The following FDX1 variants were observed in gnomAD, a reference collection of about 807,000 sequenced individuals.
FDX1 encodes the protein adrenodoxin, mitochondrial.
FDX1 carries 9 observed loss-of-function variants against 14.9 expected under a neutral mutation model. The observed-to-expected ratio is 0.60, with a 90% CI of 0.36 to 1.05. The LOEUF (loss-of-function observed/expected upper bound fraction) is 1.05, where lower values mean the gene tolerates loss of function less well. FDX1 is among the 50% of genes least tolerant of loss of function. The pLI is 0.01. For synonymous variants in FDX1, 92 were observed against 99.4 expected, an observed-to-expected ratio of 0.93 and a Z score of 0.44; for missense variants, 204 against 237.2, an observed-to-expected ratio of 0.86 and a Z score of 0.92.
In FDX1 at chr11:110,463,968, A is replaced by G. The variant is rs1158667338; in HGVS notation, c.*1500A>G. The G allele has an allele frequency of 6.6e-6, 1 of 150,992 alleles. No homozygotes were observed. Among genetic ancestry groups the G allele is most frequent in the Non-Finnish European group, 1.5e-5 (1 of 67,940 alleles). 9.4% of individuals were successfully genotyped at this position (150,992 alleles called of 1,614,324 possible). ...TACTCTGTCACTCAGGCCAGAGTACAATAGTATGATCTCGGCTCACTGCAA... is the reference window on the plus strand; with the variant it reads ...TACTCTGTCACTCAGGCCAGAGTACGATAGTATGATCTCGGCTCACTGCAA... On this transcript the variant is annotated 3_prime_UTR_variant, in exon 4 of 4. Transcript: ENST00000260270.
Position 110,430,099 on chromosome 11 carries a change from C to T in FDX1, c.-22C>T, listed in dbSNP as rs994896814. 8.2e-7 allele frequency: 1 copy of T among 1,223,294 alleles called. No homozygotes were observed. The allele number at this position is 1,223,294 out of a possible 1,614,324, so 75.8% of individuals were successfully genotyped here. ...CTCAAAGCGCGGCCTGCGTCGCTTC[C>T]GGCAGTTCCCGACCGCGGGCGATGG... is the stretch of plus-strand genomic sequence containing the variant. On this transcript the variant is annotated 5_prime_UTR_variant, in exon 1 of 4. Transcript: ENST00000260270.
chr11:110,455,379 C>A (rs1946515481), intron 2 of FDX1, among the ~76,000 whole-genome samples: 1 of 151,992 alleles, frequency 6.6e-6, no homozygotes, highest in Non-Finnish European at 1.5e-5. Context: ...TTAAAATGAT[C>A]CATTCAGAGG....
chr11:110,432,868 T>G (rs1290354602), intron 1 of FDX1, among the ~76,000 whole-genome samples: 2 of 152,364 alleles, frequency 1.3e-5, no homozygotes, highest in East Asian at 3.9e-4. Context: ...TTGGTAAACC[T>G]GTTAATACTC....
intron 2 of FDX1, among the ~76,000 whole-genome samples, chr11:110,455,731 TG>T (rs2134691488): frequency 6.6e-6 from 1 of 152,322 alleles, no homozygotes; most frequent in South Asian, 2.1e-4. Context: ...TGGAAGGACC[TG>T]GGGATGCTCA....
At chr11:110,461,695 G>A (rs1242181551) in intron 3 of FDX1, among the ~76,000 whole-genome samples, 2 of 151,600 alleles carry the variant, frequency 1.3e-5, no homozygotes, top group Non-Finnish European at 2.9e-5. Flanking sequence ...AGGTAAATTC[G>A]ACATGTGTAC....
At chr11:110,461,123 T>C (rs911201252) in intron 3 of FDX1, among the ~76,000 whole-genome samples, 3 of 152,220 alleles carry the variant, frequency 2.0e-5, no homozygotes, top group African/African-American at 7.2e-5. Context: ...CACAGTCTTA[T>C]CACTTAACAT....
At chr11:110,455,842 A>C (rs1482974315) in intron 2 of FDX1, among the ~76,000 whole-genome samples, 1 of 152,196 alleles carries the variant, frequency 6.6e-6, no homozygotes, top group Non-Finnish European at 1.5e-5. Flanking sequence ...CTAGTTACAG[A>C]GTGGCAGACT....
intron 2 of FDX1, among the ~76,000 whole-genome samples, chr11:110,443,102 C>T (rs954475315): frequency 1.3e-5 from 2 of 152,166 alleles, no homozygotes; most frequent in Non-Finnish European, 2.9e-5. Flanking sequence ...TCATTAAACC[C>T]TTTTTCCTGT....
intron 2 of FDX1, among the ~76,000 whole-genome samples, chr11:110,454,575 C>T (rs774902858): frequency 1.2e-4 from 18 of 152,154 alleles, no homozygotes; most frequent in Non-Finnish European, 2.2e-4. Flanking sequence ...TCTTTAACTT[C>T]TGGGGCTTAA....
At chr11:110,462,327 A>C in intron 3 of FDX1, 27 bp from the exon 4 acceptor site, 1 of 1,342,282 alleles carries the variant, frequency 7.4e-7, no homozygotes, top group Non-Finnish European at 1.1e-6. Flanking sequence ...GTAATACTAA[A>C]CCATACCTTC....
At position 110,463,687 on chromosome 11, in the gene FDX1, G is replaced by C. The variant is rs569258181; in HGVS notation, c.*1219G>C. On this transcript the variant is annotated 3_prime_UTR_variant, in exon 4 of 4. Coordinates refer to ENST00000260270, the MANE Select transcript of FDX1 (RefSeq NM_004109.5). Reference sequence around the variant, plus strand: ...TGCTTGACATACAGCATTGTGTTATGCCCATTGGGGACACAGAGGTGAACA... The same window carrying C: ...TGCTTGACATACAGCATTGTGTTATCCCCATTGGGGACACAGAGGTGAACA... 6.6e-5 allele frequency: 10 copies of C among 152,256 alleles called. No individual in the cohort carries two copies. The South Asian group carries it at 1.9e-3, about 28-fold the overall frequency. 9.4% of individuals were successfully genotyped at this position (152,256 alleles called of 1,614,324 possible).
chr11:110,434,725 G>GTTTTTTTTTTTTT (rs56907322), intron 1 of FDX1, among the ~76,000 whole-genome samples: 10 of 105,702 alleles, frequency 9.5e-5, no homozygotes, highest in East Asian at 2.7e-4. Flanking sequence ...GACTTTTTTT[G>GTTTTTTTTTTTTT]TTTTTTTTTT....
rs1223121466 is a variant in FDX1, at chr11:110,435,857, A to G, written c.209A>G (p.His70Arg). The G allele has an allele frequency of 6.2e-7, 1 of 1,607,812 alleles. No homozygotes were observed. The stretch of plus-strand genomic sequence containing the variant: ...AGCTCAGAAGATAAAATAACAGTCC[A>G]CTTTATAAACCGTGATGGTGAAACA... The part of the protein sequence containing the change: ...RSSSEDKITV[H>R]FINRDGETLT... Residue 70 changes from histidine (H) to arginine (R), a missense_variant, in exon 2 of 4, where the codon CAC (histidine) becomes CGC (arginine). Physicochemically the swap from His to Arg is conservative, Grantham distance 29 (BLOSUM62 0). Transcript: ENST00000260270.
chr11:110,429,349 A>G (rs1565377697), upstream of FDX1, among the ~76,000 whole-genome samples: 1 of 152,182 alleles, frequency 6.6e-6, no homozygotes, highest in Non-Finnish European at 1.5e-5. Context: ...ATGAACCATG[A>G]TAAGGTGTAT....
At chr11:110,456,861 A>C in intron 2 of FDX1, 57 bp from the exon 3 acceptor site, 1 of 1,527,444 alleles carries the variant, frequency 6.5e-7, no homozygotes, top group Non-Finnish European at 8.8e-7. Context: ...TTACTGAACC[A>C]GGTATGAATC....
intron 2 of FDX1, among the ~76,000 whole-genome samples, chr11:110,436,339 A>C (rs1946369048): frequency 6.6e-6 from 1 of 152,196 alleles, no homozygotes; most frequent in African/African-American, 2.4e-5. Context: ...AACTTATCCT[A>C]GAAAGTGATT....
intron 2 of FDX1, among the ~76,000 whole-genome samples, chr11:110,444,772 A>G (rs1005065264): frequency 7.4e-6 from 1 of 135,138 alleles, no homozygotes. Context: ...ATATATTTGC[A>G]GAACAACCTC....
chr11:110,443,291 T>C (rs1329306054), intron 2 of FDX1, among the ~76,000 whole-genome samples: 5 of 134,636 alleles, frequency 3.7e-5, no homozygotes, highest in African/African-American at 1.5e-4. Context: ...TTTTTTTTTC[T>C]GTAGGAAAAT....
intron 2 of FDX1, among the ~76,000 whole-genome samples, chr11:110,444,700 A>G (rs1946433370): frequency 1.7e-5 from 1 of 58,084 alleles, no homozygotes; most frequent in Non-Finnish European, 3.2e-5. Context: ...ATATATATAT[A>G]TATACGTATA....
Sources: gnomAD v4.1 joint callset for allele counts (sites outside exome capture counted in the v4.1 genomes callset) on GRCh38, gnomAD v4.1.1 for gene constraint, MANE v1.5 for transcripts, NCBI Gene and HGNC (gene_info 2026-07-23, HGNC 2026-07-21) for gene names.